Variants in OR2T35 observed in about 807,000 individuals in gnomAD.
The protein encoded by OR2T35 is olfactory receptor 2T35.
For missense variants in OR2T35, 47 were observed against 278.8 expected, an observed-to-expected ratio of 0.17 and a Z score of 5.92; for synonymous variants, 18 against 110.2, an observed-to-expected ratio of 0.16 and a Z score of 5.24.
chr1:248,642,243 AAAAAG>A (rs1476259597), intron 1 of OR2T35, among the ~76,000 whole-genome samples: 37 of 100,524 alleles, frequency 3.7e-4, no homozygotes, highest in Middle Eastern at 0.012. Flanking sequence ...AAAGAAAAAG[AAAAAG>A]AAAAAGCTTT....
intron 1 of OR2T35, among the ~76,000 whole-genome samples, chr1:248,641,695 G>A (rs1660784687): frequency 2.6e-5 from 1 of 39,066 alleles, no homozygotes; most frequent in African/African-American, 5.5e-5. Flanking sequence ...CCGAGACCGT[G>A]TTAAAAAAAA....
At chr1:248,641,653 G>T (rs1256993151) in intron 1 of OR2T35, among the ~76,000 whole-genome samples, 9 of 61,812 alleles carry the variant, frequency 1.5e-4, no homozygotes, top group African/African-American at 4.1e-4. Flanking sequence ...ACAGGAGAAA[G>T]ATATGATTTT....
At chr1:248,642,044 G>A (rs143231374) in intron 1 of OR2T35, among the ~76,000 whole-genome samples, 1,844 of 65,728 alleles carry the variant, frequency 0.028, 21 homozygotes, top group African/African-American at 0.065. Flanking sequence ...CATCGGTTCC[G>A]AGCATCTACA....
rs1553273945 is a variant in OR2T35, at chr1:248,642,230, A to AG, written c.-22-2951_-22-2950insC. On this transcript the variant is annotated intron_variant, in intron 1 of 1. Transcript: ENST00000641268. ...ACTAGTCTTTCCAAAAAAAAAAAAAAAAAAAGAAAAAGAAAAAGAAAAAGC... is the reference window on the plus strand; with the variant it reads ...ACTAGTCTTTCCAAAAAAAAAAAAAAGAAAAAGAAAAAGAAAAAGAAAAAGC... Among the ~76,000 whole-genome samples the AG allele has an allele frequency of 4.2e-3, 222 of 52,400 alleles. 2 individuals carry two copies. The highest frequency in any genetic ancestry group is 7.3e-3 in the African/African-American group (208 of 28,304). 34.4% of individuals were successfully genotyped at this position (52,400 alleles called of 152,430 possible).
At chr1:248,644,132 GATTTTTC>G (rs1174932616) in intron 1 of OR2T35, among the ~76,000 whole-genome samples, 306 of 42,028 alleles carry the variant, frequency 7.3e-3, no homozygotes, top group Non-Finnish European at 0.01. Flanking sequence ...TAAAATTTGA[GATTTTTC>G]ATTTAATATT....
rs1401282922 is a variant in OR2T35 at position 248,643,274 on chromosome 1, AAG to A, written c.-23+1971_-23+1972del. Among the ~76,000 whole-genome samples, 42 of 49,460 alleles carry A rather than the reference AAG, an allele frequency of 8.5e-4. 1 individual carries two copies. Among genetic ancestry groups the A allele is most frequent in the African/African-American group, 3.3e-3 (39 of 11,840 alleles). 32.4% of individuals were successfully genotyped at this position (49,460 alleles called of 152,430 possible). On this transcript the variant is annotated intron_variant, in intron 1 of 1. Transcript: ENST00000641268. ...CTAATCCTAAGTGCCACATAGCTCT[AAG>A]AGTCATCGATTATTTGTTCCTGAAT... is the stretch of plus-strand genomic sequence containing the variant.
rs1456917084 is a variant in OR2T35, at chr1:248,641,585, C to A, written c.-22-2305G>T. 2.4e-5 allele frequency among the ~76,000 whole-genome samples: 2 copies of A among 83,210 alleles called. 1 individual carries two copies. The highest frequency in any genetic ancestry group is 6.0e-5 in the African/African-American group (2 of 33,408). The allele number at this position is 83,210 out of a possible 152,430, so 54.6% of individuals were successfully genotyped here. Reference sequence around the variant, plus strand: ...TATGATAAAAGGATAAGAACGTTTTCAACCCCTAGATCTTATCTTACTGTA... The same window carrying A: ...TATGATAAAAGGATAAGAACGTTTTAAACCCCTAGATCTTATCTTACTGTA... On this transcript the variant is annotated intron_variant, in intron 1 of 1. Coordinates refer to ENST00000641268, the MANE Select transcript of OR2T35 (RefSeq NM_001001827.2).
chr1:248,641,594 GATCTT>G (rs1231535996), intron 1 of OR2T35, among the ~76,000 whole-genome samples: 3 of 82,938 alleles, frequency 3.6e-5, no homozygotes, highest in African/African-American at 9.0e-5. Context: ...TCAACCCCTA[GATCTT>G]ATCTTACTGT....
intron 1 of OR2T35, 100 bp from the exon 2 acceptor site, chr1:248,639,380 T>C: frequency 1.7e-6 from 1 of 579,736 alleles, no homozygotes; most frequent in South Asian, 2.0e-5. Flanking sequence ...CAAGAAAAGA[T>C]CACCTACTTC....
intron 1 of OR2T35, among the ~76,000 whole-genome samples, chr1:248,644,729 GATTAAT>G (rs1660834444): frequency 7.1e-6 from 1 of 140,610 alleles, no homozygotes; most frequent in Non-Finnish European, 1.6e-5. Flanking sequence ...TTGAAAGCAA[GATTAAT>G]ATTAATTGCT....
In OR2T35 at chr1:248,638,159, G is replaced by A. The variant is rs573626734; in HGVS notation, c.*128C>T. On this transcript the variant is annotated 3_prime_UTR_variant, in exon 2 of 2. Transcript: ENST00000641268. ...TTCTGTAATAGCTGCGTTATTGGCC[G>A]CAGCACCGCAGATGTTTGCACTAGT... The A allele has an allele frequency of 4.9e-5, 30 of 615,518 alleles. 9 individuals carry two copies. The highest frequency in any genetic ancestry group is 6.9e-5 in the Non-Finnish European group (25 of 360,926). The allele number at this position is 615,518 out of a possible 1,614,324, so 38.1% of individuals were successfully genotyped here.
intron 1 of OR2T35, among the ~76,000 whole-genome samples, chr1:248,644,218 AAG>A (rs1307259175): frequency 7.7e-5 from 7 of 90,436 alleles, no homozygotes; most frequent in Non-Finnish European, 1.5e-4. Flanking sequence ...GAAAGTGTTA[AAG>A]AGAGGAATAC....
chr1:248,641,694 TG>T (rs1660784720), intron 1 of OR2T35, among the ~76,000 whole-genome samples: 2 of 42,980 alleles, frequency 4.7e-5, no homozygotes, highest in African/African-American at 9.9e-5. Context: ...ACCGAGACCG[TG>T]TTAAAAAAAA....
chr1:248,642,423 C>T (rs1235753088), intron 1 of OR2T35, among the ~76,000 whole-genome samples: 247 of 95,970 alleles, frequency 2.6e-3, no homozygotes, highest in African/African-American at 6.4e-3. Context: ...AAGATCAAGC[C>T]GAGAGGTGGA....
chr1:248,639,417 G>A (rs541425559), intron 1 of OR2T35, 137 bp from the exon 2 acceptor site: 116 of 658,666 alleles, frequency 1.8e-4, no homozygotes, highest in African/African-American at 1.5e-3. Flanking sequence ...CTGGGTTTCA[G>A]TATTAATGAT....
rs919633066 is a variant in OR2T35, at chr1:248,636,958, T to C, written c.*1329A>G. ...GGAGAAACTAAAGTTACATGAATCGTGGGGTCAGTGTAGTCTTTGCTTAGT... is the reference window on the plus strand; with the variant it reads ...GGAGAAACTAAAGTTACATGAATCGCGGGGTCAGTGTAGTCTTTGCTTAGT... On this transcript the variant is annotated 3_prime_UTR_variant, in exon 2 of 2. Transcript: ENST00000641268. 5 of 25,864 alleles carry C rather than the reference T, an allele frequency of 1.9e-4. 2 individuals carry two copies. Among genetic ancestry groups the C allele is most frequent in the African/African-American group, 3.3e-4 (5 of 15,096 alleles). The allele number at this position is 25,864 out of a possible 1,614,324, so 1.6% of individuals were successfully genotyped here.
chr1:248,638,282 C>T lies in OR2T35; in HGVS notation c.*5G>A. On this transcript the variant is annotated 3_prime_UTR_variant, in exon 2 of 2. Coordinates refer to ENST00000641268, the MANE Select transcript of OR2T35 (RefSeq NM_001001827.2). Reference sequence around the variant, plus strand: ...GTCACCACTCTGATACTCTGGGAGTCCCTGCTAGCCCTTCCTGATCACAGT... The same window carrying T: ...GTCACCACTCTGATACTCTGGGAGTTCCTGCTAGCCCTTCCTGATCACAGT... The T allele has an allele frequency of 8.4e-7, 1 of 1,192,528 alleles. No individual in the cohort carries two copies. The highest frequency in any genetic ancestry group is 1.2e-6 in the Non-Finnish European group (1 of 853,260). 73.9% of individuals were successfully genotyped at this position (1,192,528 alleles called of 1,614,324 possible).
rs199902940 is a variant in OR2T35 at position 248,641,713 on chromosome 1, A to AAAAAAG, written c.-22-2434_-22-2433insCTTTTT. Among the ~76,000 whole-genome samples, 121 of 73,588 alleles carry AAAAAAG rather than the reference A, an allele frequency of 1.6e-3. 2 individuals are homozygous for AAAAAAG. Among genetic ancestry groups the AAAAAAG allele is most frequent in the African/African-American group, 3.8e-3 (119 of 31,002 alleles). 48.3% of individuals were successfully genotyped at this position (73,588 alleles called of 152,430 possible). On this transcript the variant is annotated intron_variant, in intron 1 of 1. Coordinates refer to ENST00000641268, the MANE Select transcript of OR2T35 (RefSeq NM_001001827.2). ...AGACCGTGTTAAAAAAAAAAAAAAA[A>AAAAAAG]AGGTTCCTTGTGAGTGTGAGCGTTG...
intron 1 of OR2T35, among the ~76,000 whole-genome samples, chr1:248,644,002 C>T (rs570693964): frequency 8.1e-4 from 18 of 22,208 alleles, no homozygotes; most frequent in South Asian, 2.2e-3. Context: ...GCACTGAGTC[C>T]GCCACAGTCG....
Sources: allele counts gnomAD v4.1 joint callset (sites outside exome capture counted in the v4.1 genomes callset), GRCh38; gene constraint gnomAD v4.1.1; transcripts MANE v1.5; gene names NCBI Gene and HGNC (gene_info 2026-07-23, HGNC 2026-07-21).